Variants in C10orf67 observed in about 807,000 individuals in gnomAD.
The protein encoded by C10orf67 is uncharacterized protein C10orf67, mitochondrial.
Under a neutral mutation model 35.6 loss-of-function variants are expected in C10orf67, and 60 were observed. The observed-to-expected ratio is 1.68, with a 90% confidence interval of 1.37 to 2.09. C10orf67 has a LOEUF of 2.09. Among genes scored for constraint, C10orf67 ranks in the 30% most tolerant of loss-of-function variants. C10orf67 has a pLI of 0.00. For synonymous variants in C10orf67, 167 were observed against 115.8 expected (o/e 1.44, Z -2.84); for missense variants, 474 against 330.2 (o/e 1.44, Z -3.38).
At chr10:23,293,235 G>A (rs370411693) in intron 5 of C10orf67, among the ~76,000 whole-genome samples, 6 of 152,310 alleles carry the variant, frequency 3.9e-5, no homozygotes, top group African/African-American at 1.4e-4. Context: ...AAAGCAGGAC[G>A]CAAGGAAAAC....
chr10:23,248,116 C>A (rs375665024), intron 12 of C10orf67, among the ~76,000 whole-genome samples: 1 of 152,062 alleles, frequency 6.6e-6, no homozygotes, highest in African/African-American at 2.4e-5. Flanking sequence ...CAGAGTGGCA[C>A]GGGAACCACC....
intron 2 of C10orf67, among the ~76,000 whole-genome samples, chr10:23,327,711 G>A (rs1052067494): frequency 1.5e-4 from 23 of 152,068 alleles, no homozygotes; most frequent in Admixed American, 3.3e-4. Context: ...TGTAATCCCA[G>A]CTACTCAGGA....
At chr10:23,274,044 C>T (rs529294781) in intron 8 of C10orf67, among the ~76,000 whole-genome samples, 2 of 151,920 alleles carry the variant, frequency 1.3e-5, no homozygotes, top group Admixed American at 6.6e-5. Flanking sequence ...TTGGTAGGAC[C>T]GTGATGGCGC....
At chr10:23,341,273 T>A (rs956125109) in intron 1 of C10orf67, among the ~76,000 whole-genome samples, 4 of 152,204 alleles carry the variant, frequency 2.6e-5, no homozygotes, top group African/African-American at 9.7e-5. Context: ...ACAGCCTAAA[T>A]GGATGTCTAA....
chr10:23,205,366 G>A (rs1388956024), intron 15 of C10orf67, among the ~76,000 whole-genome samples: 1 of 152,202 alleles, frequency 6.6e-6, no homozygotes. Flanking sequence ...ACTCCAGGAG[G>A]CTGCATTCAG....
intron 10 of C10orf67, among the ~76,000 whole-genome samples, chr10:23,254,548 CTT>C (rs1426062007): frequency 6.6e-6 from 1 of 152,072 alleles, no homozygotes; most frequent in Admixed American, 6.5e-5. Context: ...TTCTCATTCT[CTT>C]TTGAATTTGT....
At chr10:23,286,340 A>G (rs74576744) in intron 7 of C10orf67, among the ~76,000 whole-genome samples, 4,640 of 132,486 alleles carry the variant, frequency 0.035, 279 homozygotes, top group African/African-American at 0.13. Flanking sequence ...TGAGGCTGCA[A>G]GTGAGATATT....
intron 8 of C10orf67, among the ~76,000 whole-genome samples, chr10:23,279,023 A>G (rs368995931): frequency 5.3e-5 from 8 of 152,170 alleles, no homozygotes; most frequent in African/African-American, 1.4e-4. Flanking sequence ...AGGCTGAGGC[A>G]GGAGGATTGC....
chr10:23,268,125 T>C (rs949083563), intron 8 of C10orf67, among the ~76,000 whole-genome samples: 1 of 151,870 alleles, frequency 6.6e-6, no homozygotes, highest in Non-Finnish European at 1.5e-5. Context: ...TCTGTCTCTA[T>C]AAAAAATAAA....
At chr10:23,253,189 T>C (rs1021441334) in intron 10 of C10orf67, among the ~76,000 whole-genome samples, 2 of 152,218 alleles carry the variant, frequency 1.3e-5, no homozygotes, top group East Asian at 1.9e-4. Flanking sequence ...GAGACTAATA[T>C]AGCAACTGAG....
intron 13 of C10orf67, among the ~76,000 whole-genome samples, chr10:23,226,460 C>A (rs925568713): frequency 1.6e-4 from 24 of 151,648 alleles, no homozygotes; most frequent in Admixed American, 4.0e-4. Flanking sequence ...GGAAATTTAT[C>A]ACACTAAATG....
At chr10:23,312,254 GTGAGCTCA>G (rs1401162618) in intron 4 of C10orf67, among the ~76,000 whole-genome samples, 1 of 152,104 alleles carries the variant, frequency 6.6e-6, no homozygotes, top group Non-Finnish European at 1.5e-5. Flanking sequence ...ACTTATAACA[GTGAGCTCA>G]TGGATTCCTA....
chr10:23,303,413 C>T lies in C10orf67; in HGVS notation c.593G>A (p.Ser198Asn). The T allele has an allele frequency of 1.6e-6, 1 of 617,786 alleles. No individual in the cohort carries two copies. The highest frequency in any genetic ancestry group is 2.9e-6 in the Non-Finnish European group (1 of 342,662). 38.3% of individuals were successfully genotyped at this position (617,786 alleles called of 1,614,324 possible). ...TAACAAAATATTTGTTTTGACAGTACTCGCATCTTGCAAAGAAACATTCTC... is the reference window on the plus strand; with the variant it reads ...TAACAAAATATTTGTTTTGACAGTATTCGCATCTTGCAAAGAAACATTCTC... Reference protein sequence around the residue: ...EEENVSLQDASTVKTNILLRK... With the variant: ...EEENVSLQDANTVKTNILLRK... Residue 198 changes from serine (S) to asparagine (N), a missense_variant, in exon 5 of 16, where the codon AGT becomes AAT. By Grantham distance (46) the Ser-to-Asn change is conservative. Transcript: ENST00000636213.
At chr10:23,224,349 A>T (rs1841673201) in intron 13 of C10orf67, among the ~76,000 whole-genome samples, 1 of 152,234 alleles carries the variant, frequency 6.6e-6, no homozygotes, top group South Asian at 2.1e-4. Context: ...AACAAACAGA[A>T]AGGACATCCA....
At chr10:23,280,286 G>T (rs1326031347) in intron 8 of C10orf67, among the ~76,000 whole-genome samples, 1 of 152,166 alleles carries the variant, frequency 6.6e-6, no homozygotes. Flanking sequence ...CTTCTAGCTA[G>T]AAAGTATTTA....
At chr10:23,310,343 G>T (rs535826119) in intron 4 of C10orf67, among the ~76,000 whole-genome samples, 1 of 152,162 alleles carries the variant, frequency 6.6e-6, no homozygotes, top group African/African-American at 2.4e-5. Flanking sequence ...CTTAGATTTG[G>T]CAGTCTGCAG....
intron 2 of C10orf67, among the ~76,000 whole-genome samples, chr10:23,329,431 A>C (rs1845343362): frequency 6.6e-6 from 1 of 152,204 alleles, no homozygotes; most frequent in Non-Finnish European, 1.5e-5. Flanking sequence ...CAATAAAAAT[A>C]AGCACAGTTT....
chr10:23,264,785 C>T (rs912488696), intron 10 of C10orf67, among the ~76,000 whole-genome samples: 2 of 152,168 alleles, frequency 1.3e-5, no homozygotes, highest in African/African-American at 2.4e-5. Flanking sequence ...AGCTGCTCTG[C>T]CCCAGTGGCT....
intron 2 of C10orf67, among the ~76,000 whole-genome samples, chr10:23,330,950 G>T (rs1187714271): frequency 2.0e-5 from 3 of 150,838 alleles, no homozygotes; most frequent in African/African-American, 7.3e-5. Flanking sequence ...TAGGAAAAAA[G>T]GAAGGAAAAC....
Sources: allele counts gnomAD v4.1 joint callset (sites outside exome capture counted in the v4.1 genomes callset), GRCh38; gene constraint gnomAD v4.1.1; transcripts MANE v1.5; gene names NCBI Gene and HGNC (gene_info 2026-07-23, HGNC 2026-07-21).